Variants in COL28A1 observed in about 807,000 individuals in gnomAD.
COL28A1 encodes the protein collagen alpha-1(XXVIII) chain.
COL28A1 carries 161 observed loss-of-function variants against 150.2 expected under a neutral mutation model. That is an observed-to-expected ratio of 1.07 (90% confidence interval 0.94 to 1.22). COL28A1 has a LOEUF of 1.22. Ranked by LOEUF, COL28A1 falls within the 50% of genes most tolerant of loss-of-function variation. The probability of loss-of-function intolerance (pLI) is 0.00; values close to 1 mark genes in which losing one functional copy is unlikely to be tolerated. For synonymous variants in COL28A1, 552 were observed against 469.7 expected, an observed-to-expected ratio of 1.18 and a Z score of -2.26; for missense variants, 1,617 against 1,388.3, an observed-to-expected ratio of 1.16 and a Z score of -2.62.
intron 11 of COL28A1, 34 bp from the exon 12 acceptor site, chr7:7,490,680 T>C (rs1448350652): frequency 5.5e-6 from 5 of 911,804 alleles, no homozygotes; most frequent in Admixed American, 1.7e-5. Flanking sequence ...AGTTATATGT[T>C]AGGTCGACTC....
rs144995615 is a variant in COL28A1, at chr7:7,525,025, C to A, written c.682-776G>T. On this transcript the variant is annotated intron_variant, in intron 3 of 34. Coordinates refer to ENST00000399429, the MANE Select transcript of COL28A1 (RefSeq NM_001037763.3). ...CATTACTTATGTAAAAGAGGACTTA[C>A]ATTTATAACTGGCTAACTTAGGGGA... Among the ~76,000 whole-genome samples the A allele has an allele frequency of 1.4e-4, 22 of 152,232 alleles. 1 individual carries two copies. The East Asian group carries it at 4.0e-3, about 28-fold the overall frequency.
chr7:7,501,967 C>T (rs1270032176), intron 11 of COL28A1, among the ~76,000 whole-genome samples: 2 of 152,128 alleles, frequency 1.3e-5, no homozygotes, highest in African/African-American at 4.8e-5. Flanking sequence ...GCAATCTTGG[C>T]TCACAGCAAC....
At chr7:7,515,787 T>A in intron 8 of COL28A1, 27 bp downstream of exon 8, 1 of 916,498 alleles carries the variant, frequency 1.1e-6, no homozygotes. Context: ...GAAATTCTGG[T>A]CAATCTATTT....
Position 7,520,098 on chromosome 7 carries a change from TG to T in COL28A1, c.776del (p.Pro259GlnfsTer47). The T allele has an allele frequency of 7.2e-7, 1 of 1,391,110 alleles. No homozygotes were observed. Among genetic ancestry groups the T allele is most frequent in the Non-Finnish European group, 1.0e-6 (1 of 977,656 alleles). The allele number at this position is 1,391,110 out of a possible 1,614,324, so 86.2% of individuals were successfully genotyped here. ...DPGPPGTHGN[P>X]GIKGERGPKG... ...TTGGTCCTCGCTCACCTTTGATACCTGGATTTCCATGTGTACCCTGAAGGCA... is the reference window on the plus strand; with the variant it reads ...TTGGTCCTCGCTCACCTTTGATACCTGATTTCCATGTGTACCCTGAAGGCA... On this transcript the variant is annotated frameshift_variant, in exon 6 of 35. Coordinates refer to ENST00000399429, the MANE Select transcript of COL28A1 (RefSeq NM_001037763.3). LOFTEE classifies it high-confidence loss of function.
At chr7:7,500,607 T>G (rs1271321370) in intron 11 of COL28A1, among the ~76,000 whole-genome samples, 1 of 152,164 alleles carries the variant, frequency 6.6e-6, no homozygotes, top group African/African-American at 2.4e-5. Flanking sequence ...ACACATGCAT[T>G]CCTAATATCA....
chr7:7,352,435 T>G (rs890591713), downstream of COL28A1, among the ~76,000 whole-genome samples: 1 of 152,170 alleles, frequency 6.6e-6, no homozygotes, highest in Non-Finnish European at 1.5e-5. Flanking sequence ...ACTGAAGGAC[T>G]TTGAGGTAGC....
chr7:7,409,404 T>A (rs1473648244), intron 27 of COL28A1, among the ~76,000 whole-genome samples: 1 of 151,364 alleles, frequency 6.6e-6, no homozygotes, highest in Non-Finnish European at 1.5e-5. Context: ...TAGACAGATA[T>A]GAGTAGGTGG....
At chr7:7,425,555 A>G (rs190540208) in intron 25 of COL28A1, among the ~76,000 whole-genome samples, 4 of 152,228 alleles carry the variant, frequency 2.6e-5, no homozygotes, top group Admixed American at 2.6e-4. Flanking sequence ...GGTTTACTCC[A>G]ATGTGTTAAT....
At chr7:7,412,994 C>T (rs192968108) in intron 27 of COL28A1, among the ~76,000 whole-genome samples, 43 of 152,152 alleles carry the variant, frequency 2.8e-4, no homozygotes, top group African/African-American at 9.4e-4. Flanking sequence ...CCTTACACCA[C>T]AGAGGTCAGA....
intron 13 of COL28A1, among the ~76,000 whole-genome samples, chr7:7,482,455 G>T (rs544387164): frequency 3.4e-4 from 51 of 151,770 alleles, no homozygotes; most frequent in African/African-American, 1.2e-3. Context: ...AAGCCGGGAG[G>T]TGGAGGTTGC....
At chr7:7,414,819 C>T (rs746071606) in intron 27 of COL28A1, among the ~76,000 whole-genome samples, 72 of 152,214 alleles carry the variant, frequency 4.7e-4, no homozygotes, top group Admixed American at 1.8e-3. Flanking sequence ...AAACTCATTA[C>T]TTGGCCTATA....
intron 13 of COL28A1, among the ~76,000 whole-genome samples, chr7:7,481,779 A>C (rs1779338834): frequency 6.6e-6 from 1 of 152,246 alleles, no homozygotes; most frequent in African/African-American, 2.4e-5. Flanking sequence ...TGCAAGCATT[A>C]GAGATAAATA....
chr7:7,388,058 C>A (rs1178064503), intron 27 of COL28A1, among the ~76,000 whole-genome samples: 1 of 151,812 alleles, frequency 6.6e-6, no homozygotes, highest in African/African-American at 2.4e-5. Context: ...GGTACATGTG[C>A]AGAACATGGT....
At chr7:7,349,308 A>G in the COL28A1 span, among the ~76,000 whole-genome samples, 1 of 152,222 alleles carries the variant, frequency 6.6e-6, no homozygotes, top group South Asian at 2.1e-4. Flanking sequence ...CCAATACTTC[A>G]TGAATCTTGA....
At position 7,432,691 on chromosome 7, in the gene COL28A1, C is replaced by A; in HGVS notation, c.1870G>T (p.Gly624Cys). Residue 624 changes from glycine to cysteine, a missense_variant, in exon 24 of 35, where the codon GGC becomes TGC. Physicochemically the swap from Gly to Cys is radical, Grantham distance 159 (BLOSUM62 -3). Coordinates refer to ENST00000399429, the MANE Select transcript of COL28A1 (RefSeq NM_001037763.3). ...GGAGCACCCACTGGTCCCCGAGGGC[C>A]TTGGACACCCTGGGTAAATTCCAAC... ...LSIRGPKGVQ[G>C]PRGPVGAPGL... is the part of the protein sequence containing the mutation. 2 of 1,613,444 alleles carry A rather than the reference C, an allele frequency of 1.2e-6. No homozygotes were observed. Among genetic ancestry groups the A allele is most frequent in the Non-Finnish European group, 1.7e-6 (2 of 1,179,758 alleles).
At chr7:7,419,984 A>T (rs755559833) in intron 25 of COL28A1, 31 bp from the exon 26 acceptor site, 64 of 1,472,436 alleles carry the variant, frequency 4.3e-5, no homozygotes, top group Non-Finnish European at 5.4e-5. Context: ...ACAAGTTACT[A>T]ATTTTTTAAA....
downstream of COL28A1, among the ~76,000 whole-genome samples, chr7:7,351,500 T>A (rs1174247207): frequency 6.6e-6 from 1 of 152,018 alleles, no homozygotes; most frequent in Non-Finnish European, 1.5e-5. Flanking sequence ...AAGGTTACAA[T>A]AGCAATAGAG....
At position 7,499,829 on chromosome 7, in the gene COL28A1, C is replaced by A. The variant is rs138245448; in HGVS notation, c.1026+6185G>T. ...CTACTAAGCTAATTTTGAGCCAAACCAAGTACTTAAATAATGACCAAAACA... is the reference window on the plus strand; with the variant it reads ...CTACTAAGCTAATTTTGAGCCAAACAAAGTACTTAAATAATGACCAAAACA... On this transcript the variant is annotated intron_variant, in intron 11 of 34. Transcript: ENST00000399429. Among the ~76,000 whole-genome samples, 1,154 of 152,190 alleles carry A rather than the reference C, an allele frequency of 7.6e-3. 11 individuals carry two copies. Among genetic ancestry groups the A allele is most frequent in the African/African-American group, 0.022 (923 of 41,524 alleles).
chr7:7,498,664 C>A (rs940363758), intron 11 of COL28A1, among the ~76,000 whole-genome samples: 7 of 152,212 alleles, frequency 4.6e-5, no homozygotes, highest in African/African-American at 1.7e-4. Context: ...CCTTGGAATA[C>A]AATTAATTTT....
Sources: gnomAD v4.1 joint callset for allele counts (sites outside exome capture counted in the v4.1 genomes callset) on GRCh38, gnomAD v4.1.1 for gene constraint, MANE v1.5 for transcripts, NCBI Gene and HGNC (gene_info 2026-07-23, HGNC 2026-07-21) for gene names.